SPECC1L: variants seen among roughly 807,000 people sequenced by gnomAD.
The protein encoded by SPECC1L is cytospin-A.
Under a neutral mutation model 116.8 loss-of-function variants are expected in SPECC1L, and 40 were observed. That is an observed-to-expected ratio of 0.34 (90% CI 0.27 to 0.45). SPECC1L has a LOEUF of 0.45. SPECC1L is among the 20% of genes least tolerant of loss of function. The pLI is 1.00. For missense variants in SPECC1L, 1,110 were observed against 1,373.6 expected, an observed-to-expected ratio of 0.81 and a Z score of 3.03; for synonymous variants, 504 against 500.6, an observed-to-expected ratio of 1.01 and a Z score of -0.09.
At chr22:24,286,865 G>A (rs1454587147) in intron 2 of SPECC1L, among the ~76,000 whole-genome samples, 7 of 152,252 alleles carry the variant, frequency 4.6e-5, no homozygotes, top group Non-Finnish European at 1.0e-4. Context: ...CTGAGATCGC[G>A]CCACTGCACT....
At chr22:24,381,712 A>G (rs2042065463) in intron 14 of SPECC1L, among the ~76,000 whole-genome samples, 1 of 151,858 alleles carries the variant, frequency 6.6e-6, no homozygotes, top group Non-Finnish European at 1.5e-5. Flanking sequence ...GTGAAACGCC[A>G]GCTCTACTAA....
At chr22:24,327,547 G>A (rs956094189) in intron 6 of SPECC1L, among the ~76,000 whole-genome samples, 1 of 151,862 alleles carries the variant, frequency 6.6e-6, no homozygotes, top group Non-Finnish European at 1.5e-5. Context: ...CTGCTACTAA[G>A]TATAAGGAAT....
intron 2 of SPECC1L, among the ~76,000 whole-genome samples, chr22:24,291,272 C>G (rs17004894): frequency 0.034 from 5,139 of 152,194 alleles, 178 homozygotes; most frequent in African/African-American, 0.083. Context: ...ATGAAATTTT[C>G]GAACTTCTGA....
At chr22:24,357,053 C>T (rs974645006) in intron 11 of SPECC1L, among the ~76,000 whole-genome samples, 2 of 53,714 alleles carry the variant, frequency 3.7e-5, no homozygotes, top group Non-Finnish European at 6.6e-5. Context: ...TCTAATAATC[C>T]CCTGGGGGGG....
At chr22:24,297,588 A>G (rs939416259) in intron 2 of SPECC1L, among the ~76,000 whole-genome samples, 1 of 152,214 alleles carries the variant, frequency 6.6e-6, no homozygotes, top group African/African-American at 2.4e-5. Flanking sequence ...CTCTGGAGAA[A>G]ATATAAGTAT....
At chr22:24,278,582 AAC>A (rs1168470794) in intron 2 of SPECC1L, among the ~76,000 whole-genome samples, 1 of 152,232 alleles carries the variant, frequency 6.6e-6, no homozygotes, top group Non-Finnish European at 1.5e-5. Context: ...GTTAAAGAAA[AAC>A]ACACAAAAAC....
Position 24,369,949 on chromosome 22 carries a change from A to G in SPECC1L, c.3087+629A>G, listed in dbSNP as rs983555528. On this transcript the variant is annotated intron_variant, in intron 14 of 16. Transcript: ENST00000314328. ...TTTGATTTCTAGTGTCCTCACATACAGTATTAGTTACAGAGATTCTCCCCA... is the reference window on the plus strand; with the variant it reads ...TTTGATTTCTAGTGTCCTCACATACGGTATTAGTTACAGAGATTCTCCCCA... Among the ~76,000 whole-genome samples the G allele has an allele frequency of 5.3e-5, 8 of 152,250 alleles. No individual in the cohort carries two copies. The East Asian group carries it at 1.3e-3, about 26-fold the overall frequency.
chr22:24,356,805 A>G (rs930638797), intron 11 of SPECC1L, among the ~76,000 whole-genome samples: 3 of 151,836 alleles, frequency 2.0e-5, no homozygotes, highest in South Asian at 4.2e-4. Flanking sequence ...CTACTGACTT[A>G]TTATTTGTAT....
chr22:24,343,076 C>T (rs1376809548), intron 10 of SPECC1L, among the ~76,000 whole-genome samples: 1 of 152,058 alleles, frequency 6.6e-6, no homozygotes, highest in Non-Finnish European at 1.5e-5. Context: ...TGCCTGTAGT[C>T]CCAGCTACTT....
chr22:24,400,261 A>G (rs1048642818), intron 14 of SPECC1L, among the ~76,000 whole-genome samples: 10 of 152,200 alleles, frequency 6.6e-5, no homozygotes, highest in Non-Finnish European at 1.5e-5. Context: ...CTTGGCAACC[A>G]CTCGTCTACT....
At chr22:24,402,360 T>C (rs895322402) in intron 14 of SPECC1L, among the ~76,000 whole-genome samples, 10 of 152,014 alleles carry the variant, frequency 6.6e-5, no homozygotes, top group African/African-American at 1.5e-4. Flanking sequence ...CCCAGAGATA[T>C]CAATCAACAG....
chr22:24,317,306 G>A lies in SPECC1L; in HGVS notation c.307+3840G>A, dbSNP rs1300020535. ...TCCCGGACGGGGCGGCTGGCCAGGCGGGGGGCTGACCCCCCCCACCTCCCT... is the reference window on the plus strand; with the variant it reads ...TCCCGGACGGGGCGGCTGGCCAGGCAGGGGGCTGACCCCCCCCACCTCCCT... On this transcript the variant is annotated intron_variant, in intron 4 of 16. Transcript: ENST00000314328. Among the ~76,000 whole-genome samples the A allele has an allele frequency of 3.4e-4, 38 of 111,228 alleles. 2 individuals carry two copies. The South Asian group carries it at 8.3e-3, about 24-fold the overall frequency. 73.0% of individuals were successfully genotyped at this position (111,228 alleles called of 152,430 possible).
chr22:24,355,154 G>T (rs889523330), intron 11 of SPECC1L, among the ~76,000 whole-genome samples: 2 of 151,562 alleles, frequency 1.3e-5, no homozygotes, highest in African/African-American at 4.8e-5. Flanking sequence ...GTGGTGGTGT[G>T]CACCTGTAGT....
In SPECC1L at chr22:24,363,184, C is replaced by G. The variant is rs1244290549; in HGVS notation, c.2744-77C>G. On this transcript the variant is annotated intron_variant, in intron 11 of 16. Transcript: ENST00000314328. ...AGCTTCAAGGCTGAAAGGAGTAAAA[C>G]TCACCTTCTTTGTACCTTTATTACT... is the stretch of plus-strand genomic sequence containing the variant. The G allele has an allele frequency of 8.4e-6, 11 of 1,312,212 alleles. No individual in the cohort carries two copies. In the East Asian group the frequency reaches 2.6e-4, roughly 31 times the overall value. 81.3% of individuals were successfully genotyped at this position (1,312,212 alleles called of 1,614,324 possible). A position where few individuals can be genotyped will look rare whatever the true frequency, so the allele number is the denominator to read the frequency against.
At chr22:24,282,757 G>A (rs1157901586) in intron 2 of SPECC1L, among the ~76,000 whole-genome samples, 2 of 151,368 alleles carry the variant, frequency 1.3e-5, no homozygotes, top group African/African-American at 2.4e-5. Flanking sequence ...TTACAATGTG[G>A]TGAGTTACAT....
At chr22:24,362,975 G>C (rs1377194931) in intron 11 of SPECC1L, among the ~76,000 whole-genome samples, 1 of 152,154 alleles carries the variant, frequency 6.6e-6, no homozygotes, top group Non-Finnish European at 1.5e-5. Context: ...GAATTTTGGT[G>C]GAATTGCATC....
intron 3 of SPECC1L, among the ~76,000 whole-genome samples, chr22:24,306,960 A>G (rs5760328): frequency 0.037 from 5,571 of 152,302 alleles, 305 homozygotes; most frequent in South Asian, 0.12. Flanking sequence ...AGGTTCATCC[A>G]TGTTGCAGCA....
intron 14 of SPECC1L, among the ~76,000 whole-genome samples, chr22:24,394,133 C>T (rs942213200): frequency 6.6e-6 from 1 of 152,154 alleles, no homozygotes; most frequent in African/African-American, 2.4e-5. Context: ...GTAAGCAAAA[C>T]TCCTATGAAC....
intron 2 of SPECC1L, among the ~76,000 whole-genome samples, chr22:24,279,557 A>AT (rs2048902104): frequency 6.7e-6 from 1 of 148,818 alleles, no homozygotes; most frequent in Non-Finnish European, 1.5e-5. Context: ...AGAAATGTAC[A>AT]TTTTATTTTT....
Sources: allele counts gnomAD v4.1 joint callset (sites outside exome capture counted in the v4.1 genomes callset), GRCh38; gene constraint gnomAD v4.1.1; transcripts MANE v1.5; gene names NCBI Gene and HGNC (gene_info 2026-07-23, HGNC 2026-07-21).